Variants in CLU observed in about 807,000 individuals in gnomAD.
CLU encodes clusterin.
CLU carries 25 observed loss-of-function variants against 46.4 expected under a neutral mutation model. The ratio of observed to expected loss-of-function variants is 0.54; its 90% CI spans 0.39 to 0.75. The LOEUF (loss-of-function observed/expected upper bound fraction) is 0.75. Ranked by LOEUF, CLU falls within the 30% of genes least tolerant of loss-of-function variation. CLU has a pLI of 0.00. For missense variants in CLU, 504 were observed against 592.1 expected (o/e 0.85, Z 1.54); for synonymous variants, 235 against 235.1 (o/e 1.00, Z 0.00).
At position 27,606,422 on chromosome 8, in the gene CLU, G is replaced by A; in HGVS notation, c.349C>T (p.Leu117=). The A allele has an allele frequency of 6.2e-7, 1 of 1,614,240 alleles. No homozygotes were observed. Among genetic ancestry groups the A allele is most frequent in the South Asian group, 1.1e-5 (1 of 91,092 alleles). ...TAGAACTTCATGCAGGTCTGTTTCA[G>A]GCAGGGCTTACACTCTTCCCAGAGG... ...MALWEECKPC[L]KQTCMKFYAR... The change falls in exon 4 of 9, where the codon CTG becomes TTG. Residue 117 remains leucine, a synonymous_variant. Coordinates refer to ENST00000316403, the MANE Select transcript of CLU (RefSeq NM_001831.4).
chr8:27,604,782 T>G, intron 5 of CLU, 142 bp downstream of exon 5: 1 of 1,063,878 alleles, frequency 9.4e-7, no homozygotes, highest in Non-Finnish European at 1.4e-6. Context: ...CCCAGCTCAG[T>G]TTTTTTCCTC....
chr8:27,604,818 G>T, intron 5 of CLU, 106 bp downstream of exon 5: 1 of 1,291,206 alleles, frequency 7.7e-7, no homozygotes, highest in Non-Finnish European at 1.1e-6. Flanking sequence ...TATCACCCTT[G>T]TGATATTGCT....
At chr8:27,613,343 G>A (rs187758659) in intron 1 of CLU, among the ~76,000 whole-genome samples, 76 of 151,286 alleles carry the variant, frequency 5.0e-4, no homozygotes, top group Non-Finnish European at 9.1e-4. Flanking sequence ...CCGAGATGGC[G>A]CTACTCTACT....
intron 8 of CLU, 63 bp from the exon 9 acceptor site, chr8:27,598,313 C>T: frequency 6.2e-7 from 1 of 1,605,600 alleles, no homozygotes; most frequent in South Asian, 1.1e-5. Flanking sequence ...TAAAATTCCC[C>T]CGTAACTTCC....
chr8:27,598,731 C>T (rs1184375326), intron 7 of CLU, 96 bp from the exon 8 acceptor site: 1 of 1,255,170 alleles, frequency 8.0e-7, no homozygotes, highest in Non-Finnish European at 1.2e-6. Context: ...GGAAGTCCTC[C>T]TGCTTCTCCA....
Position 27,605,161 on chromosome 8 carries a change from G to A in CLU, c.592C>T (p.Arg198Trp), listed in dbSNP as rs371872334. ...DELFQDRFFT[R>W]EPQDTYHYLP... ...TAGTGGTAGGTATCCTGGGGCTCCC[G>A]GGTGAAGAACCTGTCCTGGAAGAGC... is the stretch of plus-strand genomic sequence containing the variant. The change falls in exon 5 of 9, where the codon CGG becomes TGG. Residue 198 changes from arginine to tryptophan, a missense_variant. Arg to Trp is a moderately radical substitution (Grantham distance 101, BLOSUM62 -3). This residue lies in a region of CLU where 428 missense variants were observed against 484.0 expected (regional missense o/e 0.88). Transcript: ENST00000316403. 65 of 1,614,052 alleles carry A rather than the reference G, an allele frequency of 4.0e-5. No individual in the cohort carries two copies. Among genetic ancestry groups the A allele is most frequent in the African/African-American group, 9.3e-5 (7 of 74,916 alleles).
intron 8 of CLU, 21 bp from the exon 9 acceptor site, chr8:27,598,271 C>T: frequency 6.2e-7 from 1 of 1,613,706 alleles, no homozygotes; most frequent in Non-Finnish European, 8.5e-7. Flanking sequence ...AAACAGTTAT[C>T]CTCCAAAGTA....
At chr8:27,607,643 T>C (rs1255292191) in intron 3 of CLU, among the ~76,000 whole-genome samples, 1 of 151,894 alleles carries the variant, frequency 6.6e-6, no homozygotes, top group Non-Finnish European at 1.5e-5. Context: ...GAAAAATAGA[T>C]CAAATGTTAA....
In CLU at chr8:27,600,001, T is replaced by A; in HGVS notation, c.943A>T (p.Thr315Ser). Residue 315 changes from threonine to serine, a missense_variant, in exon 7 of 9, where the codon ACC becomes TCC. By Grantham distance (58) the Thr-to-Ser change is moderately conservative (BLOSUM62 1). This residue lies in a region of CLU where 428 missense variants were observed against 484.0 expected (regional missense o/e 0.88). Coordinates refer to ENST00000316403, the MANE Select transcript of CLU (RefSeq NM_001831.4). ...CREILSVDCS[T>S]NNPSQAKLRR... ...AGCTTAGCCTGGGAGGGGTTGTTGG[T>A]GGAACAGTCTGCCCAGAGATGGAAG... is the stretch of plus-strand genomic sequence containing the variant. 6.2e-7 allele frequency: 1 copy of A among 1,613,792 alleles called. No individual in the cohort carries two copies. Among genetic ancestry groups the A allele is most frequent in the South Asian group, 1.1e-5 (1 of 91,070 alleles).
Sources: gnomAD v4.1 joint callset for allele counts (sites outside exome capture counted in the v4.1 genomes callset) on GRCh38, gnomAD v4.1.1 for gene constraint, gnomAD v4.1.1 regional missense constraint, MANE v1.5 for transcripts, NCBI Gene and HGNC (gene_info 2026-07-23, HGNC 2026-07-21) for gene names.